GPBP1L1: variants seen among roughly 807,000 people sequenced by gnomAD.
GPBP1L1 encodes GC-rich promoter binding protein 1 like 1, also known as vasculin-like protein 1.
GPBP1L1 carries 23 observed loss-of-function variants against 52.5 expected under a neutral mutation model. The ratio of observed to expected loss-of-function variants is 0.44; its 90% CI spans 0.32 to 0.62. The LOEUF (loss-of-function observed/expected upper bound fraction) is 0.62. GPBP1L1 is among the 20% of genes least tolerant of loss of function. The probability of loss-of-function intolerance (pLI) is 0.06; values close to 1 mark genes in which losing one functional copy is unlikely to be tolerated. For missense variants in GPBP1L1, 596 were observed against 579.3 expected, an observed-to-expected ratio of 1.03 and a Z score of -0.30; for synonymous variants, 243 against 203.1, an observed-to-expected ratio of 1.20 and a Z score of -1.67.
intron 6 of GPBP1L1, among the ~76,000 whole-genome samples, chr1:45,652,338 A>T (rs1246352000): frequency 2.6e-5 from 4 of 152,256 alleles, no homozygotes. Context: ...AAAAATGCAC[A>T]AATTGATAAA....
chr1:45,628,481 A>AAGGG, intron 12 of GPBP1L1, 73 bp from the exon 13 acceptor site: 2 of 1,443,860 alleles, frequency 1.4e-6, no homozygotes, highest in Non-Finnish European at 9.5e-7. Flanking sequence ...AGCCCTGGGA[A>AAGGG]AGGCCAGGCC....
At chr1:45,678,511 G>A (rs1569888945) in intron 2 of GPBP1L1, among the ~76,000 whole-genome samples, 1 of 152,160 alleles carries the variant, frequency 6.6e-6, no homozygotes, top group South Asian at 2.1e-4. Flanking sequence ...TTGCTATGCT[G>A]TATTTTAGTC....
At chr1:45,659,737 C>T (rs1051669945) in intron 3 of GPBP1L1, among the ~76,000 whole-genome samples, 45 of 152,214 alleles carry the variant, frequency 3.0e-4, no homozygotes, top group African/African-American at 9.9e-4. Context: ...CCCAGCAGTT[C>T]GAGACCAGTC....
Position 45,670,152 on chromosome 1 carries a change from C to T in GPBP1L1, c.-1097-8927G>A, listed in dbSNP as rs181129120. On this transcript the variant is annotated intron_variant, in intron 2 of 12. Transcript: ENST00000355105. ...AAGCGTTCCATCTGCTTTACATCTT[C>T]AACCAAACTACATATGGCCAGACTG... 2.6e-5 allele frequency among the ~76,000 whole-genome samples: 4 copies of T among 152,366 alleles called. No individual in the cohort carries two copies. The East Asian group carries it at 7.7e-4, about 29-fold the overall frequency.
intron 2 of GPBP1L1, among the ~76,000 whole-genome samples, chr1:45,677,206 C>G (rs1051581941): frequency 6.6e-6 from 1 of 151,914 alleles, no homozygotes; most frequent in African/African-American, 2.4e-5. Context: ...CATGGTGGCG[C>G]ATGCCTGTAG....
intron 6 of GPBP1L1, 72 bp downstream of exon 6, chr1:45,654,471 T>C: frequency 7.4e-7 from 1 of 1,346,484 alleles, no homozygotes; most frequent in Non-Finnish European, 1.0e-6. Flanking sequence ...AATGTTCTCA[T>C]TACTAACAGG....
rs751324891 is a variant in GPBP1L1 at position 45,659,055 on chromosome 1, T to C, written c.33A>G (p.Leu11=). The C allele has an allele frequency of 1.9e-6, 3 of 1,613,740 alleles. No homozygotes were observed. Among genetic ancestry groups the C allele is most frequent in the African/African-American group, 2.7e-5 (2 of 74,916 alleles). Reference sequence around the variant, plus strand: ...TAGCTGACTGTGGTGTTGAGAAATTTAGCCAAGCAGGAACAAAATCATGCT... The same window carrying C: ...TAGCTGACTGTGGTGTTGAGAAATTCAGCCAAGCAGGAACAAAATCATGCT... MAQHDFVPAW[L]NFSTPQSAKS... is the part of the protein sequence containing the mutation. Residue 11 remains leucine, a synonymous_variant, in exon 4 of 13, where the codon CTA becomes CTG. Coordinates refer to ENST00000355105, the MANE Select transcript of GPBP1L1 (RefSeq NM_021639.5).
chr1:45,633,783 A>C lies in GPBP1L1; in HGVS notation c.886-136T>G, dbSNP rs1644561011. 4.1e-6 allele frequency: 4 copies of C among 982,396 alleles called. No individual in the cohort carries two copies. The East Asian group carries it at 7.9e-5, about 19-fold the overall frequency. 60.9% of individuals were successfully genotyped at this position (982,396 alleles called of 1,614,324 possible). ...TTAAACCAAACAATCCTTTTATTTA[A>C]GCAGTTCAAACTTCAGTTTTGCAGG... On this transcript the variant is annotated intron_variant, in intron 9 of 12. Transcript: ENST00000355105.
rs1198310375 is a variant in GPBP1L1, at chr1:45,630,499, A to G, written c.1152T>C (p.Ser384=). ...TCACTTACCTGTGCTCTGCTTCTAG[A>G]GAGTGTGAGAGAACCTCCCCTTCTT... is the stretch of plus-strand genomic sequence containing the variant. ...VVEEGEVLSH[S]LEAEHRLLKA... The change falls in exon 11 of 13, where the codon TCT becomes TCC. Residue 384 remains serine (S), a synonymous_variant. Transcript: ENST00000355105. The G allele has an allele frequency of 1.2e-6, 2 of 1,613,798 alleles. No individual in the cohort carries two copies. Among genetic ancestry groups the G allele is most frequent in the African/African-American group, 1.3e-5 (1 of 74,908 alleles).
chr1:45,660,197 C>A lies in GPBP1L1; in HGVS notation c.-69G>T. On this transcript the variant is annotated 5_prime_UTR_variant, in exon 3 of 13. It adds an upstream start codon to the 5' untranslated region. Coordinates refer to ENST00000355105, the MANE Select transcript of GPBP1L1 (RefSeq NM_021639.5). Reference sequence around the variant, plus strand: ...GAGAATATTTACCCCAGAGTGTAACCTCTGTGGTCCTGTTTCTGAACTCGA... The same window carrying A: ...GAGAATATTTACCCCAGAGTGTAACATCTGTGGTCCTGTTTCTGAACTCGA... The A allele has an allele frequency of 2.0e-6, 2 of 985,242 alleles. No individual in the cohort carries two copies. The highest frequency in any genetic ancestry group is 2.4e-6 in the Non-Finnish European group (2 of 829,894). The allele number at this position is 985,242 out of a possible 1,614,324, so 61.0% of individuals were successfully genotyped here. A position where few individuals can be genotyped will look rare whatever the true frequency, so the allele number is the denominator to read the frequency against.
rs1644480512 is a variant in GPBP1L1 at position 45,628,080 on chromosome 1, G to A, written c.*176C>T. 1.5e-6 allele frequency: 1 copy of A among 650,570 alleles called. No homozygotes were observed. The allele number at this position is 650,570 out of a possible 1,614,324, so 40.3% of individuals were successfully genotyped here. A position where few individuals can be genotyped will look rare whatever the true frequency, so the allele number is the denominator to read the frequency against. On this transcript the variant is annotated 3_prime_UTR_variant, in exon 13 of 13. Coordinates refer to ENST00000355105, the MANE Select transcript of GPBP1L1 (RefSeq NM_021639.5). ...ACTTCTCTCTATAAAGCAGATAACAGGGAAGAACAATAACAAAAGCAAAAC... is the reference window on the plus strand; with the variant it reads ...ACTTCTCTCTATAAAGCAGATAACAAGGAAGAACAATAACAAAAGCAAAAC...
At chr1:45,682,561 T>C (rs1017059619) in intron 2 of GPBP1L1, among the ~76,000 whole-genome samples, 13 of 152,210 alleles carry the variant, frequency 8.5e-5, no homozygotes, top group African/African-American at 2.7e-4. Context: ...TTAAGTATTA[T>C]CTGTTAAACC....
At chr1:45,684,704 C>A (rs1645257832) in intron 2 of GPBP1L1, among the ~76,000 whole-genome samples, 1 of 152,050 alleles carries the variant, frequency 6.6e-6, no homozygotes, top group Admixed American at 6.6e-5. Context: ...ATATCTCACT[C>A]CAGTTTAGTA....
chr1:45,655,447 A>G, intron 4 of GPBP1L1, 128 bp from the exon 5 acceptor site: 1 of 1,041,492 alleles, frequency 9.6e-7, no homozygotes, highest in Non-Finnish European at 1.4e-6. Context: ...TATTGTAAGC[A>G]TATGGACCCT....
At chr1:45,651,230 G>T in intron 6 of GPBP1L1, 1 of 426,496 alleles carries the variant, frequency 2.3e-6, no homozygotes, top group South Asian at 1.8e-5. Flanking sequence ...GCAACCAGTG[G>T]TGCAGGTCTT....
Position 45,660,209 on chromosome 1 carries a change from G to A in GPBP1L1, c.-81C>T. ...CCCAGAGTGTAACCTCTGTGGTCCTGTTTCTGAACTCGAGTCGGCCAGCTG... is the reference window on the plus strand; with the variant it reads ...CCCAGAGTGTAACCTCTGTGGTCCTATTTCTGAACTCGAGTCGGCCAGCTG... On this transcript the variant is annotated 5_prime_UTR_variant, in exon 3 of 13. Transcript: ENST00000355105. The A allele has an allele frequency of 1.0e-6, 1 of 985,288 alleles. No individual in the cohort carries two copies. Among genetic ancestry groups the A allele is most frequent in the Non-Finnish European group, 1.2e-6 (1 of 829,898 alleles). The allele number at this position is 985,288 out of a possible 1,614,324, so 61.0% of individuals were successfully genotyped here.
chr1:45,651,622 G>T, intron 6 of GPBP1L1: 1 of 686,538 alleles, frequency 1.5e-6, no homozygotes. Context: ...GCATATAGAG[G>T]ATGGCTCTCT....
chr1:45,642,294 T>A (rs1369293482), intron 7 of GPBP1L1, 133 bp downstream of exon 7: 6 of 672,592 alleles, frequency 8.9e-6, no homozygotes, highest in Non-Finnish European at 1.3e-5. Context: ...CCCGCTACAG[T>A]CAGATGTTAG....
intron 12 of GPBP1L1, among the ~76,000 whole-genome samples, chr1:45,629,213 A>C (rs889346758): frequency 2.0e-5 from 3 of 152,232 alleles, no homozygotes; most frequent in African/African-American, 7.2e-5. Flanking sequence ...AGGACCAGGA[A>C]ACTACAGTGC....
Sources: gnomAD v4.1 joint callset for allele counts (sites outside exome capture counted in the v4.1 genomes callset) on GRCh38, gnomAD v4.1.1 for gene constraint, MANE v1.5 for transcripts, NCBI Gene and HGNC (gene_info 2026-07-23, HGNC 2026-07-21) for gene names.